The following ACSM6 variants were observed in gnomAD, a reference collection of about 807,000 sequenced individuals.
ACSM6 encodes acyl-CoA synthetase medium chain family member 6, also known as acyl-coenzyme A synthetase ACSM6, mitochondrial.
In ACSM6, 35 loss-of-function variants were observed where a neutral mutation model predicts 51.1. The observed-to-expected ratio is 0.69, with a 90% CI of 0.52 to 0.91. The LOEUF (loss-of-function observed/expected upper bound fraction) is 0.91, where lower values mean the gene tolerates loss of function less well. Ranked by LOEUF, ACSM6 falls within the 40% of genes least tolerant of loss-of-function variation. The probability of loss-of-function intolerance (pLI) is 0.00; values close to 1 mark genes in which losing one functional copy is unlikely to be tolerated. For missense variants in ACSM6, 509 were observed against 584.1 expected (o/e 0.87, Z 1.32); for synonymous variants, 172 against 207.3 (o/e 0.83, Z 1.46).
intron 3 of ACSM6, among the ~76,000 whole-genome samples, chr10:95,205,440 G>A (rs995675838): frequency 6.6e-6 from 1 of 152,072 alleles, no homozygotes; most frequent in Admixed American, 6.5e-5. Context: ...TCATATGATG[G>A]AAAGAATGAG....
intron 2 of ACSM6, among the ~76,000 whole-genome samples, chr10:95,197,613 TA>T (rs2034746170): frequency 6.6e-6 from 1 of 152,098 alleles, no homozygotes; most frequent in Non-Finnish European, 1.5e-5. Flanking sequence ...CCTCCCACCA[TA>T]GGGCGGTTTT....
intron 9 of ACSM6, 132 bp from the exon 10 acceptor site, chr10:95,225,158 A>G: frequency 1.5e-6 from 1 of 676,622 alleles, no homozygotes; most frequent in Non-Finnish European, 2.5e-6. Context: ...CCCAGTATCT[A>G]AGTACACCAA....
At position 95,201,781 on chromosome 10, in the gene ACSM6, CATT is replaced by C. The variant is rs890321054; in HGVS notation, c.193-201_193-199del. Reference sequence around the variant, plus strand: ...GGTTCTTCCCTAGGCTCATGCCTGACATTATGTTGAAACCTACCAGTACTGCCA... The same window carrying C: ...GGTTCTTCCCTAGGCTCATGCCTGACATGTTGAAACCTACCAGTACTGCCA... On this transcript the variant is annotated intron_variant, in intron 2 of 10. Transcript: ENST00000341686. 4.3e-5 allele frequency: 26 copies of C among 599,966 alleles called. No individual in the cohort carries two copies. The African/African-American group carries it at 4.5e-4, about 10-fold the overall frequency. The allele number at this position is 599,966 out of a possible 1,614,324, so 37.2% of individuals were successfully genotyped here. A position where few individuals can be genotyped will look rare whatever the true frequency, so the allele number is the denominator to read the frequency against.
intron 6 of ACSM6, 24 bp from the exon 7 acceptor site, chr10:95,212,830 TTTTG>T (rs1343373933): frequency 6.4e-7 from 1 of 1,552,972 alleles, no homozygotes. Flanking sequence ...CACATGCAGA[TTTTG>T]TTTTTCCTTC....
rs1393125580 is a variant in ACSM6 at position 95,194,459 on chromosome 10, A to T, written c.-21-6A>T. 1 of 1,545,820 alleles carries T rather than the reference A, an allele frequency of 6.5e-7. No individual in the cohort carries two copies. Among genetic ancestry groups the T allele is most frequent in the South Asian group, 1.2e-5 (1 of 83,784 alleles). ...TTACTCCCTGTCTTTTCCTCAATTT[A>T]CCTAGGTGGTTCCCTGTCTGACCCA... is the stretch of plus-strand genomic sequence containing the variant. On this transcript the variant is annotated splice_region_variant and splice_polypyrimidine_tract_variant and intron_variant, in intron 1 of 10. Transcript: ENST00000341686.
intron 3 of ACSM6, among the ~76,000 whole-genome samples, chr10:95,205,092 G>C (rs2034828937): frequency 6.6e-6 from 1 of 152,104 alleles, no homozygotes; most frequent in African/African-American, 2.4e-5. Flanking sequence ...TACTCAACAT[G>C]ATAAAGTTAA....
chr10:95,203,026 G>A (rs1158427155), intron 3 of ACSM6, among the ~76,000 whole-genome samples: 1 of 151,934 alleles, frequency 6.6e-6, no homozygotes, highest in Non-Finnish European at 1.5e-5. Context: ...GAACTAGGCT[G>A]CACAGCAGGA....
Position 95,215,722 on chromosome 10 carries a change from T to C in ACSM6, c.1119+747T>C, listed in dbSNP as rs556410617. On this transcript the variant is annotated intron_variant, in intron 8 of 10. Coordinates refer to ENST00000341686, the Ensembl canonical transcript of ACSM6. The stretch of plus-strand genomic sequence containing the variant: ...CTGCTCAGGCTGCTGTAACAAAATA[T>C]CATAGATTGAGTGGCTTAAACAACC... 2.0e-5 allele frequency among the ~76,000 whole-genome samples: 3 copies of C among 152,292 alleles called. No homozygotes were observed. The South Asian group carries it at 6.2e-4, about 32-fold the overall frequency.
intron 4 of ACSM6, among the ~76,000 whole-genome samples, chr10:95,208,140 CAA>C (rs375422959): frequency 7.8e-6 from 1 of 127,946 alleles, no homozygotes; most frequent in Admixed American, 7.9e-5. Flanking sequence ...GACTCTGTCT[CAA>C]AAAAAAAAAA....
intron 2 of ACSM6, among the ~76,000 whole-genome samples, chr10:95,199,722 A>AT (rs2034773684): frequency 6.6e-6 from 1 of 152,230 alleles, no homozygotes; most frequent in South Asian, 2.1e-4. Context: ...AAAAGAAGAC[A>AT]TTTATGCAGC....
chr10:95,194,413 T>G, intron 1 of ACSM6, 52 bp from the exon 2 acceptor site: 6 of 1,344,672 alleles, frequency 4.5e-6, no homozygotes, highest in Non-Finnish European at 6.1e-6. Flanking sequence ...ATCTCAGTGA[T>G]TATCCCTCTG....
At position 95,200,612 on chromosome 10, in the gene ACSM6, AAGG is replaced by A. The variant is rs374972696; in HGVS notation, c.193-1370_193-1368del. Among the ~76,000 whole-genome samples, 132 of 91,494 alleles carry A rather than the reference AAGG, an allele frequency of 1.4e-3. 1 individual carries two copies. Among genetic ancestry groups the A allele is most frequent in the African/African-American group, 3.5e-3 (88 of 25,218 alleles). 60.0% of individuals were successfully genotyped at this position (91,494 alleles called of 152,430 possible). A position where few individuals can be genotyped will look rare whatever the true frequency, so the allele number is the denominator to read the frequency against. ...AAAGAAGAAGAAGAAGGAGAAGGAG[AAGG>A]AGAAGAAGAAGAAGACTCTAAACAG... On this transcript the variant is annotated intron_variant, in intron 2 of 10. Coordinates refer to ENST00000341686, the Ensembl canonical transcript of ACSM6.
rs747566818 is a variant in ACSM6, at chr10:95,211,839, G to A, written c.756-39G>A. ...AGTATTATTGTTGTTGCTAGTACCA[G>A]CACGAGAGAATTCAAATGGCTTTCC... On this transcript the variant is annotated intron_variant, in intron 5 of 10. Transcript: ENST00000341686. 11 of 1,554,690 alleles carry A rather than the reference G, an allele frequency of 7.1e-6. No homozygotes were observed. In the African/African-American group the frequency reaches 1.5e-4, roughly 21 times the overall value.
At chr10:95,194,702 G>C in intron 2 of ACSM6, 25 bp downstream of exon 2, 2 of 1,542,118 alleles carry the variant, frequency 1.3e-6, no homozygotes, top group Non-Finnish European at 1.8e-6. Flanking sequence ...TTTCTACCTT[G>C]GAAACTTTGG....
At chr10:95,212,496 G>A (rs1035632190) in intron 6 of ACSM6, among the ~76,000 whole-genome samples, 6 of 152,158 alleles carry the variant, frequency 3.9e-5, no homozygotes, top group Non-Finnish European at 8.8e-5. Context: ...CTACACTGCT[G>A]TGCTAACCTC....
intron 2 of ACSM6, among the ~76,000 whole-genome samples, chr10:95,197,385 C>T (rs866009798): frequency 8.7e-4 from 132 of 152,128 alleles, no homozygotes; most frequent in South Asian, 1.9e-3. Flanking sequence ...TGATTATTAT[C>T]TTCATTATTT....
intron 9 of ACSM6, among the ~76,000 whole-genome samples, chr10:95,224,654 C>T (rs957559140): frequency 1.3e-5 from 2 of 152,236 alleles, no homozygotes; most frequent in African/African-American, 4.8e-5. Context: ...CCCACCTCGG[C>T]CTCCCAAAGT....
At chr10:95,212,060 G>C in intron 6 of ACSM6, 26 bp downstream of exon 6, 1 of 1,613,522 alleles carries the variant, frequency 6.2e-7, no homozygotes, top group Non-Finnish European at 8.5e-7. Flanking sequence ...AGTGTGGAAT[G>C]TGTGGGACAA....
exon 2 of ACSM6, chr10:95,194,473 C>T: frequency 6.4e-7 from 1 of 1,551,096 alleles, no homozygotes; most frequent in Non-Finnish European, 8.7e-7. Flanking sequence ...AGGTGGTTCC[C>T]TGTCTGACCC....
Sources: gnomAD v4.1 joint callset for allele counts (sites outside exome capture counted in the v4.1 genomes callset) on GRCh38, gnomAD v4.1.1 for gene constraint, MANE v1.5 for transcripts, NCBI Gene and HGNC (gene_info 2026-07-23, HGNC 2026-07-21) for gene names.